Variants in GIPR observed in about 807,000 individuals in gnomAD.
GIPR encodes the protein gastric inhibitory polypeptide receptor.
Under a neutral mutation model 62.2 loss-of-function variants are expected in GIPR, and 74 were observed. The observed-to-expected ratio is 1.19, with a 90% CI of 0.99 to 1.44. The LOEUF is 1.44. GIPR is among the 40% of genes most tolerant of loss of function. GIPR has a pLI of 0.00. For missense variants in GIPR, 664 were observed against 611.8 expected (o/e 1.09, Z -0.90); for synonymous variants, 256 against 262.2 (o/e 0.98, Z 0.23).
chr19:45,681,630 C>G lies in GIPR; in HGVS notation c.1179C>G (p.Cys393Trp). The change falls in exon 13 of 14, where the codon TGC becomes TGG. Residue 393 changes from cysteine to tryptophan, a missense_variant. Transcript: ENST00000590918. ...FQGFLVSVLY[C>W]FINKEVQSEI... Reference sequence around the variant, plus strand: ...GCTTCCTGGTCAGCGTCCTCTACTGCTTCATCAACAAGGAGGTAGGCAGAG... The same window carrying G: ...GCTTCCTGGTCAGCGTCCTCTACTGGTTCATCAACAAGGAGGTAGGCAGAG... The G allele has an allele frequency of 6.2e-7, 1 of 1,613,882 alleles. No individual in the cohort carries two copies. Among genetic ancestry groups the G allele is most frequent in the Non-Finnish European group, 8.5e-7 (1 of 1,179,920 alleles).
rs1438628118 is a variant in GIPR at position 45,682,047 on chromosome 19, T to C, written c.*112T>C. On this transcript the variant is annotated 3_prime_UTR_variant, in exon 14 of 14. Coordinates refer to ENST00000590918, the MANE Select transcript of GIPR (RefSeq NM_000164.4). Reference sequence around the variant, plus strand: ...AATGGTGAAGGAAACAGAAAAAAGGTCCCTGCCCTTCTGGAGATGACAACT... The same window carrying C: ...AATGGTGAAGGAAACAGAAAAAAGGCCCCTGCCCTTCTGGAGATGACAACT... 1 of 906,936 alleles carries C rather than the reference T, an allele frequency of 1.1e-6. No homozygotes were observed. The highest frequency in any genetic ancestry group is 1.7e-6 in the Non-Finnish European group (1 of 571,948). 56.2% of individuals were successfully genotyped at this position (906,936 alleles called of 1,614,324 possible). A position where few individuals can be genotyped will look rare whatever the true frequency, so the allele number is the denominator to read the frequency against.
intron 12 of GIPR, chr19:45,678,509 A>G: frequency 2.0e-6 from 1 of 489,930 alleles, no homozygotes; most frequent in Non-Finnish European, 3.7e-6. Flanking sequence ...GATTACAGGA[A>G]TGTGCGACAA....
chr19:45,670,998 TG>T (rs1487345946), intron 3 of GIPR, among the ~76,000 whole-genome samples: 1 of 100,152 alleles, frequency 1.0e-5, no homozygotes. Flanking sequence ...GGATGGAGAC[TG>T]GGAAGGGCCC....
intron 12 of GIPR, among the ~76,000 whole-genome samples, chr19:45,678,865 G>A (rs1158223007): frequency 2.0e-5 from 3 of 152,200 alleles, no homozygotes; most frequent in African/African-American, 7.2e-5. Flanking sequence ...TCACCTCAGG[G>A]TTGAGGGTAG....
intron 4 of GIPR, among the ~76,000 whole-genome samples, chr19:45,671,860 G>C (rs376345212): frequency 6.6e-6 from 1 of 151,648 alleles, no homozygotes; most frequent in Non-Finnish European, 1.5e-5. Context: ...AACCTCAAGT[G>C]ATCCGCCGGC....
At chr19:45,670,568 C>A in intron 2 of GIPR, 67 bp from the exon 3 acceptor site, 2 of 1,115,904 alleles carry the variant, frequency 1.8e-6, no homozygotes, top group Non-Finnish European at 1.4e-6. Context: ...GCTTCTGGGC[C>A]ACATGGACCT....
rs1455904939 is a variant in GIPR at position 45,682,988 on chromosome 19, A to AG, written c.*1057dup. On this transcript the variant is annotated 3_prime_UTR_variant, in exon 14 of 14. Transcript: ENST00000590918. ...GGCTGGACCAGGATGGAGGCCACTGAGGGGTATGAAGCAGTCGGATTTGAA... is the reference window on the plus strand; with the variant it reads ...GGCTGGACCAGGATGGAGGCCACTGAGGGGGTATGAAGCAGTCGGATTTGAA... 2 of 152,786 alleles carry AG rather than the reference A, an allele frequency of 1.3e-5. No homozygotes were observed. The highest frequency in any genetic ancestry group is 6.5e-5 in the Admixed American group (1 of 15,272). 9.5% of individuals were successfully genotyped at this position (152,786 alleles called of 1,614,324 possible). A position where few individuals can be genotyped will look rare whatever the true frequency, so the allele number is the denominator to read the frequency against.
intron 5 of GIPR, 109 bp from the exon 6 acceptor site, chr19:45,673,965 T>C: frequency 1.3e-6 from 1 of 786,622 alleles, no homozygotes; most frequent in Admixed American, 1.7e-5. Context: ...TTCCCCAAGA[T>C]AAAATAGGGT....
In GIPR at chr19:45,674,707, A is replaced by G. The variant is rs141898342; in HGVS notation, c.514A>G (p.Ile172Val). The G allele has an allele frequency of 2.4e-5, 38 of 1,613,852 alleles. No homozygotes were observed. Among genetic ancestry groups the G allele is most frequent in the Non-Finnish European group, 3.1e-5 (37 of 1,180,006 alleles). ...GCGGCTACATTGCACTAGAAACTAT[A>G]TCCACATCAACCTGTTCACGTCTTT... Reference protein sequence around the residue: ...FRRLHCTRNYIHINLFTSFML... With the variant: ...FRRLHCTRNYVHINLFTSFML... Residue 172 changes from isoleucine to valine, a missense_variant, in exon 7 of 14, where the codon ATC becomes GTC. By Grantham distance (29) the Ile-to-Val change is conservative. Transcript: ENST00000590918.
At position 45,678,295 on chromosome 19, in the gene GIPR, TACAGTCGTTCTCTGGTGCAGCC is replaced by T. The variant is rs374762059; in HGVS notation, c.1152+72_1152+93del. 1,373 of 1,511,736 alleles carry T rather than the reference TACAGTCGTTCTCTGGTGCAGCC, an allele frequency of 9.1e-4. 5 individuals carry two copies. The African/African-American group carries it at 0.015, about 17-fold the overall frequency. The allele number at this position is 1,511,736 out of a possible 1,614,324, so 93.6% of individuals were successfully genotyped here. ...CTCCTCCCCAGAGGGGCACGAAAGC[TACAGTCGTTCTCTGGTGCAGCC>T]ACTGAATGGGGTGGGAAGATGGGAT... is the stretch of plus-strand genomic sequence containing the variant. On this transcript the variant is annotated intron_variant, in intron 12 of 13. Transcript: ENST00000590918.
At chr19:45,675,971 C>T (rs955775980) in intron 7 of GIPR, among the ~76,000 whole-genome samples, 10 of 152,046 alleles carry the variant, frequency 6.6e-5, no homozygotes, top group Middle Eastern at 3.4e-3. Flanking sequence ...TTTGGGAGGA[C>T]GAGGAAGGCA....
At chr19:45,677,191 G>T (rs1362293968) in intron 8 of GIPR, 83 bp downstream of exon 8, 3 of 1,456,162 alleles carry the variant, frequency 2.1e-6, no homozygotes, top group Non-Finnish European at 1.9e-6. Context: ...GCCTCTGCGG[G>T]TCTCCTCCCG....
chr19:45,681,373 T>G (rs1371892770), intron 12 of GIPR, among the ~76,000 whole-genome samples: 1 of 152,130 alleles, frequency 6.6e-6, no homozygotes, highest in Admixed American at 6.5e-5. Flanking sequence ...AGGGCGCCTG[T>G]AATCCCAGCT....
chr19:45,681,083 G>T (rs920234733), intron 12 of GIPR, among the ~76,000 whole-genome samples: 4 of 152,152 alleles, frequency 2.6e-5, no homozygotes, highest in African/African-American at 9.7e-5. Context: ...GGAGCAAGCA[G>T]TGGGGTTGGT....
In GIPR at chr19:45,671,278, C is replaced by T. The variant is rs749630598; in HGVS notation, c.173-7C>T. The T allele has an allele frequency of 1.9e-6, 3 of 1,587,378 alleles. No individual in the cohort carries two copies. The South Asian group carries it at 3.3e-5, about 18-fold the overall frequency. ...ACTGGGCACCTGGCCCCCGTGCCCA[C>T]CCCCAGGCCTCGCCTGTAACGGGTC... On this transcript the variant is annotated splice_polypyrimidine_tract_variant and splice_region_variant and intron_variant, in intron 3 of 13. Transcript: ENST00000590918.
rs779249395 is a variant in GIPR, at chr19:45,678,083, C to A, written c.1014-5C>A. 54 of 1,612,238 alleles carry A rather than the reference C, an allele frequency of 3.3e-5. No individual in the cohort carries two copies. Among genetic ancestry groups the A allele is most frequent in the Non-Finnish European group, 4.6e-5 (54 of 1,179,978 alleles). ...GGGATCACTGCTGCCGCCCTCTCTC[C>A]CCAGGCTGGCTCGCTCCACGCTGAC... On this transcript the variant is annotated splice_region_variant and splice_polypyrimidine_tract_variant and intron_variant, in intron 11 of 13. Coordinates refer to ENST00000590918, the MANE Select transcript of GIPR (RefSeq NM_000164.4).
In GIPR at chr19:45,677,991, T is replaced by G; in HGVS notation, c.1010T>G (p.Leu337Arg). The G allele has an allele frequency of 6.2e-7, 1 of 1,613,638 alleles. No homozygotes were observed. The highest frequency in any genetic ancestry group is 1.1e-5 in the South Asian group (1 of 91,078). ...TRQMRCRDYRLRLARSTLTLV... is the reference protein window; with the variant it reads ...TRQMRCRDYRRRLARSTLTLV... ...CAAATGCGCTGCCGGGATTACCGGC[T>G]GAGGTGAGGGCATGCGTTGGGGACC... The change falls in exon 11 of 14, where the codon CTG (leucine) becomes CGG (arginine). Residue 337 changes from leucine to arginine, a missense_variant. Physicochemically the swap from Leu to Arg is moderately radical, Grantham distance 102. Coordinates refer to ENST00000590918, the MANE Select transcript of GIPR (RefSeq NM_000164.4).
In GIPR at chr19:45,672,915, T is replaced by C. The variant is rs1975617313; in HGVS notation, c.345T>C (p.His115=). The part of the protein sequence containing the change: ...SDGQWGLWRD[H]TQCENPEKNE... ...GCCAATGGGGACTTTGGAGAGACCA[T>C]ACACAATGTGAGAACCCAGAGAAGA... Residue 115 remains histidine (H), a synonymous_variant, in exon 5 of 14, where the codon CAT becomes CAC. Transcript: ENST00000590918. 1 of 1,612,838 alleles carries C rather than the reference T, an allele frequency of 6.2e-7. No homozygotes were observed. The highest frequency in any genetic ancestry group is 1.3e-5 in the African/African-American group (1 of 75,014).
intron 7 of GIPR, 175 bp downstream of exon 7, chr19:45,675,001 C>T (rs1414178613): frequency 1.5e-6 from 1 of 677,596 alleles, no homozygotes; most frequent in Non-Finnish European, 2.7e-6. Flanking sequence ...GAGGGAACCT[C>T]CCAACTCGGC....
Sources: allele counts gnomAD v4.1 joint callset (sites outside exome capture counted in the v4.1 genomes callset), GRCh38; gene constraint gnomAD v4.1.1; transcripts MANE v1.5; gene names NCBI Gene and HGNC (gene_info 2026-07-23, HGNC 2026-07-21).